GTF2IRD2B: variants seen among roughly 807,000 people sequenced by gnomAD.
GTF2IRD2B encodes the protein general transcription factor II-I repeat domain-containing protein 2B.
A neutral mutation model predicts 55.6 loss-of-function variants in GTF2IRD2B; 10 were observed. The ratio of observed to expected loss-of-function variants is 0.18; its 90% CI spans 0.11 to 0.31. The LOEUF is 0.31. Ranked by LOEUF, GTF2IRD2B falls within the 10% of genes least tolerant of loss-of-function variation. The probability of loss-of-function intolerance (pLI) is 1.00; values close to 1 mark genes in which losing one functional copy is unlikely to be tolerated. For synonymous variants in GTF2IRD2B, 107 were observed against 320.5 expected (o/e 0.33, Z 7.12); for missense variants, 206 against 802.7 (o/e 0.26, Z 8.98).
chr7:75,121,047 T>G, intron 4 of GTF2IRD2B, 37 bp downstream of exon 4: 2 of 1,608,526 alleles, frequency 1.2e-6, no homozygotes, highest in Non-Finnish European at 1.7e-6. Flanking sequence ...TATTTTTTTT[T>G]TTTTTTTGAG....
At chr7:75,133,676 G>A (rs1290082074) in intron 9 of GTF2IRD2B, among the ~76,000 whole-genome samples, 29 of 148,932 alleles carry the variant, frequency 1.9e-4, no homozygotes, top group Non-Finnish European at 3.7e-4. Flanking sequence ...CCAAGGAGGT[G>A]GGATTACAGG....
chr7:75,130,103 T>C (rs1192434632), intron 8 of GTF2IRD2B, among the ~76,000 whole-genome samples: 4 of 97,884 alleles, frequency 4.1e-5, no homozygotes, highest in African/African-American at 1.5e-4. Context: ...CTTTCTTTCT[T>C]TCTTTCTTTC....
chr7:75,109,208 G>C (rs1202043961), intron 2 of GTF2IRD2B, 145 bp downstream of exon 2: 6 of 564,878 alleles, frequency 1.1e-5, no homozygotes, highest in Non-Finnish European at 1.8e-5. Flanking sequence ...AGGCTGGAGT[G>C]CAGTGGCACA....
chr7:75,149,337 G>A lies in GTF2IRD2B; in HGVS notation c.*40G>A. ...CTGGCAGGGCCCTATGGTGGGAAAGGCTGGAGTCTTCTAGTCCCAAGGGAT... is the reference window on the plus strand; with the variant it reads ...CTGGCAGGGCCCTATGGTGGGAAAGACTGGAGTCTTCTAGTCCCAAGGGAT... On this transcript the variant is annotated 3_prime_UTR_variant, in exon 16 of 16. Coordinates refer to ENST00000472837, the MANE Select transcript of GTF2IRD2B (RefSeq NM_001003795.3). 2 of 756,512 alleles carry A rather than the reference G, an allele frequency of 2.6e-6. No homozygotes were observed. The highest frequency in any genetic ancestry group is 2.9e-5 in the South Asian group (2 of 70,046). The allele number at this position is 756,512 out of a possible 1,614,324, so 46.9% of individuals were successfully genotyped here. A position where few individuals can be genotyped will look rare whatever the true frequency, so the allele number is the denominator to read the frequency against.
intron 11 of GTF2IRD2B, among the ~76,000 whole-genome samples, chr7:75,137,273 G>C (rs1338622121): frequency 6.6e-6 from 1 of 150,540 alleles, no homozygotes; most frequent in Non-Finnish European, 1.5e-5. Flanking sequence ...ATATATAATA[G>C]AGCAGCCATT....
chr7:75,132,932 A>G (rs1554453156), intron 8 of GTF2IRD2B, among the ~76,000 whole-genome samples: 1 of 139,568 alleles, frequency 7.2e-6, no homozygotes, highest in Non-Finnish European at 1.5e-5. Flanking sequence ...ACACAAATGT[A>G]TGTTTTCTAT....
chr7:75,149,630 G>A lies in GTF2IRD2B; in HGVS notation c.*333G>A, dbSNP rs1374621265. On this transcript the variant is annotated 3_prime_UTR_variant, in exon 16 of 16. Coordinates refer to ENST00000472837, the MANE Select transcript of GTF2IRD2B (RefSeq NM_001003795.3). ...TGACCTCAGGTGATCCACCTGCCTC[G>A]ACCTCACAAAGTGCTGGGATTACAG... The A allele has an allele frequency of 3.8e-5, 13 of 340,404 alleles. No homozygotes were observed. The highest frequency in any genetic ancestry group is 1.1e-3 in the Middle Eastern group (1 of 948). The allele number at this position is 340,404 out of a possible 1,614,324, so 21.1% of individuals were successfully genotyped here.
In GTF2IRD2B at chr7:75,149,408, T is replaced by C. The variant is rs184279835; in HGVS notation, c.*111T>C. The C allele has an allele frequency of 2.6e-3, 1,950 of 761,950 alleles. 50 individuals are homozygous for C. The African/African-American group carries it at 0.029, about 11-fold the overall frequency. 47.2% of individuals were successfully genotyped at this position (761,950 alleles called of 1,614,324 possible). Reference sequence around the variant, plus strand: ...TTTTTTTTTCTTTTTTGAGATGGAGTCTTGCTCTGTCGCCCAGGTTGGAGT... The same window carrying C: ...TTTTTTTTTCTTTTTTGAGATGGAGCCTTGCTCTGTCGCCCAGGTTGGAGT... On this transcript the variant is annotated 3_prime_UTR_variant, in exon 16 of 16. Coordinates refer to ENST00000472837, the MANE Select transcript of GTF2IRD2B (RefSeq NM_001003795.3).
intron 8 of GTF2IRD2B, among the ~76,000 whole-genome samples, chr7:75,130,091 C>CTTTCTT (rs1456760648): frequency 5.2e-5 from 4 of 77,608 alleles, no homozygotes; most frequent in African/African-American, 1.9e-4. Context: ...AATTTATTTT[C>CTTTCTT]TCTTTCTTTC....
intron 1 of GTF2IRD2B, among the ~76,000 whole-genome samples, chr7:75,101,500 G>A (rs1324620108): frequency 4.0e-5 from 6 of 151,198 alleles, no homozygotes; most frequent in African/African-American, 2.4e-5. Flanking sequence ...AGGAGGTCAA[G>A]GCTACAGTGA....
In GTF2IRD2B at chr7:75,122,998, C is replaced by T. The variant is rs1554536280; in HGVS notation, c.359-138C>T. On this transcript the variant is annotated intron_variant, in intron 4 of 15. Transcript: ENST00000472837. ...CCAGGAGGTGGAGGTTGCAGCGAGC[C>T]GAGATCTTGCCATTGCACTCCAGCC... The T allele has an allele frequency of 4.6e-5, 64 of 1,390,042 alleles. 1 individual carries two copies. Among genetic ancestry groups the T allele is most frequent in the Non-Finnish European group, 6.1e-5 (63 of 1,026,000 alleles). The allele number at this position is 1,390,042 out of a possible 1,614,324, so 86.1% of individuals were successfully genotyped here.
intron 15 of GTF2IRD2B, among the ~76,000 whole-genome samples, chr7:75,146,017 A>ATT (rs587651504): frequency 1.6e-3 from 91 of 56,044 alleles, no homozygotes; most frequent in African/African-American, 7.5e-3. Flanking sequence ...TGCCCAGATA[A>ATT]TTTTTTTTTT....
intron 1 of GTF2IRD2B, among the ~76,000 whole-genome samples, chr7:75,105,405 G>T (rs1280070114): frequency 2.0e-5 from 3 of 152,302 alleles, no homozygotes; most frequent in Non-Finnish European, 4.4e-5. Flanking sequence ...TCGGGGGGTT[G>T]AGGCAGGAGA....
chr7:75,127,034 A>C (rs1554452535), intron 8 of GTF2IRD2B, among the ~76,000 whole-genome samples: 1 of 149,762 alleles, frequency 6.7e-6, no homozygotes, highest in Admixed American at 6.7e-5. Flanking sequence ...CAAAAAAAAC[A>C]AAAAAAAGAA....
intron 3 of GTF2IRD2B, among the ~76,000 whole-genome samples, chr7:75,117,841 G>A (rs1245817905): frequency 2.6e-5 from 4 of 152,262 alleles, no homozygotes; most frequent in Non-Finnish European, 5.9e-5. Context: ...CCAGCACTCT[G>A]GTAGGCTGAG....
chr7:75,102,348 C>T (rs1490741310), intron 1 of GTF2IRD2B, among the ~76,000 whole-genome samples: 2 of 150,822 alleles, frequency 1.3e-5, no homozygotes, highest in Non-Finnish European at 3.0e-5. Flanking sequence ...ACCTTTTACC[C>T]TTTAGCTATC....
chr7:75,104,067 A>C (rs1415061482), intron 1 of GTF2IRD2B, among the ~76,000 whole-genome samples: 1 of 144,348 alleles, frequency 6.9e-6, no homozygotes, highest in Non-Finnish European at 1.5e-5. Context: ...AAAAAAAAAA[A>C]AAAAAGACAT....
intron 8 of GTF2IRD2B, among the ~76,000 whole-genome samples, chr7:75,132,358 CAA>C (rs1161370360): frequency 1.1e-3 from 96 of 83,528 alleles, no homozygotes; most frequent in East Asian, 6.0e-3. Context: ...GACTCTGTCT[CAA>C]AAAAAAAAAA....
chr7:75,113,814 G>GTGTA (rs1808047555), intron 3 of GTF2IRD2B, among the ~76,000 whole-genome samples: 1 of 137,780 alleles, frequency 7.3e-6, no homozygotes, highest in Admixed American at 7.4e-5. Flanking sequence ...GTGTGTGTGT[G>GTGTA]TGTATGTACA....
Sources: gnomAD v4.1 joint callset for allele counts (sites outside exome capture counted in the v4.1 genomes callset) on GRCh38, gnomAD v4.1.1 for gene constraint, MANE v1.5 for transcripts, NCBI Gene and HGNC (gene_info 2026-07-23, HGNC 2026-07-21) for gene names.